DOLPP1: variants seen among roughly 807,000 people sequenced by gnomAD.
The protein encoded by DOLPP1 is dolichyl pyrophosphate phosphatase 1.
Under a neutral mutation model 34.1 loss-of-function variants are expected in DOLPP1, and 15 were observed. That is an observed-to-expected ratio of 0.44 (90% CI 0.29 to 0.68). The LOEUF is 0.68. Ranked by LOEUF, DOLPP1 falls within the 30% of genes least tolerant of loss-of-function variation. The pLI is 0.12. For synonymous variants in DOLPP1, 130 were observed against 128.2 expected (o/e 1.01, Z -0.10); for missense variants, 249 against 307.1 (o/e 0.81, Z 1.41).
Position 129,085,447 on chromosome 9 carries a change from G to A in DOLPP1, c.363-71G>A. ...AAGGTACCCAGGGAGCATTTGGATG[G>A]GGCCAGGGACTGTTTGGGAGGCCTG... On this transcript the variant is annotated intron_variant, in intron 4 of 7. Coordinates refer to ENST00000372546, the MANE Select transcript of DOLPP1 (RefSeq NM_020438.5). This position sits in a 1 kb window ranked among gnomAD's most constrained non-coding sequence, Gnocchi z 7.0. The A allele has an allele frequency of 6.4e-7, 1 of 1,553,162 alleles. No individual in the cohort carries two copies.
chr9:129,085,690 C>A lies in DOLPP1; in HGVS notation c.461+74C>A. ...TGCTGGTTCCTGGTCCCTGTCGGACCCCACCATGGACCCTAGTCCCAGAAC... is the reference window on the plus strand; with the variant it reads ...TGCTGGTTCCTGGTCCCTGTCGGACACCACCATGGACCCTAGTCCCAGAAC... On this transcript the variant is annotated intron_variant, in intron 5 of 7. Transcript: ENST00000372546. This position sits in a 1 kb window ranked among gnomAD's most constrained non-coding sequence, Gnocchi z 7.0. 1 of 1,226,204 alleles carries A rather than the reference C, an allele frequency of 8.2e-7. No individual in the cohort carries two copies. 76.0% of individuals were successfully genotyped at this position (1,226,204 alleles called of 1,614,324 possible). A position where few individuals can be genotyped will look rare whatever the true frequency, so the allele number is the denominator to read the frequency against.
In DOLPP1 at chr9:129,081,156, C is replaced by T. The variant is rs778103972; in HGVS notation, c.25C>T (p.Leu9Phe). ...GATGGCAGCGGACGGACAGTGCTCG[C>T]TCCCCGCTTCATGGCGGCCGGTGAC... is the stretch of plus-strand genomic sequence containing the variant. MAADGQCS[L>F]PASWRPVTLT... The change falls in exon 1 of 8, where the codon CTC (leucine) becomes TTC (phenylalanine). Residue 9 changes from leucine to phenylalanine, a missense_variant. Physicochemically the swap from Leu to Phe is conservative, Grantham distance 22. Coordinates refer to ENST00000372546, the MANE Select transcript of DOLPP1 (RefSeq NM_020438.5). The T allele has an allele frequency of 2.5e-6, 4 of 1,609,854 alleles. No homozygotes were observed. The highest frequency in any genetic ancestry group is 2.2e-5 in the South Asian group (2 of 91,012).
At chr9:129,081,319 C>T (rs1846883138) in intron 1 of DOLPP1, 112 bp downstream of exon 1, 3 of 1,385,830 alleles carry the variant, frequency 2.2e-6, no homozygotes, top group Non-Finnish European at 2.9e-6. Flanking sequence ...GGGGTGGGAA[C>T]TGTCAAATAG....
At chr9:129,084,565 C>G in intron 1 of DOLPP1, 103 bp from the exon 2 acceptor site, 1 of 889,900 alleles carries the variant, frequency 1.1e-6, no homozygotes, top group South Asian at 1.3e-5. Context: ...TTCTCCAGGC[C>G]CTGCCGGGAC....
At chr9:129,086,353 A>G (rs1588432139) in intron 6 of DOLPP1, 86 bp downstream of exon 6, 5 of 1,507,656 alleles carry the variant, frequency 3.3e-6, no homozygotes, top group Non-Finnish European at 4.5e-6. Context: ...AGGAGTCTTG[A>G]CCCCAGCCCC....
At chr9:129,088,141 G>A (rs1467106089) in intron 7 of DOLPP1, among the ~76,000 whole-genome samples, 2 of 135,944 alleles carry the variant, frequency 1.5e-5, no homozygotes, top group Admixed American at 7.3e-5. Context: ...GGGGTGGGGG[G>A]AGGTGGGGGG....
In DOLPP1 at chr9:129,084,662, T is replaced by C. The variant is rs1400623037; in HGVS notation, c.77-6T>C. The C allele has an allele frequency of 2.5e-6, 4 of 1,592,804 alleles. No homozygotes were observed. In the African/African-American group the frequency reaches 4.0e-5, roughly 16 times the overall value. The stretch of plus-strand genomic sequence containing the variant: ...GTCCTCCTGATTCTGTTCTCTGTCT[T>C]GCCAGGTGATCTCTCTGGCCACCTC... On this transcript the variant is annotated splice_region_variant and splice_polypyrimidine_tract_variant and intron_variant, in intron 1 of 7. Coordinates refer to ENST00000372546, the MANE Select transcript of DOLPP1 (RefSeq NM_020438.5).
rs1846875671 is a variant in DOLPP1 at position 129,081,123 on chromosome 9, C to T, written c.-9C>T. ...TTGGCTGCTCGAAGAAGCCCGGTCT[C>T]CGGGTAAGATGGCAGCGGACGGACA... On this transcript the variant is annotated 5_prime_UTR_variant, in exon 1 of 8. Transcript: ENST00000372546. 4 of 1,607,002 alleles carry T rather than the reference C, an allele frequency of 2.5e-6. No individual in the cohort carries two copies. Among genetic ancestry groups the T allele is most frequent in the African/African-American group, 1.3e-5 (1 of 74,648 alleles).
rs1191995528 is a variant in DOLPP1 at position 129,089,180 on chromosome 9, C to T, written c.*173C>T. 7 of 605,742 alleles carry T rather than the reference C, an allele frequency of 1.2e-5. No homozygotes were observed. The highest frequency in any genetic ancestry group is 7.4e-5 in the African/African-American group (4 of 53,838). The allele number at this position is 605,742 out of a possible 1,614,324, so 37.5% of individuals were successfully genotyped here. On this transcript the variant is annotated 3_prime_UTR_variant, in exon 8 of 8. Coordinates refer to ENST00000372546, the MANE Select transcript of DOLPP1 (RefSeq NM_020438.5). The surrounding 1 kb of genome is among the most constrained non-coding windows in gnomAD (Gnocchi z 4.9). The stretch of plus-strand genomic sequence containing the variant: ...GAACAAGGTGGACCAAAGGGCTGAA[C>T]CAGCCCCTCAACCAGGACCCTGGGG...
chr9:129,086,667 T>C (rs1264086902), intron 6 of DOLPP1, 42 bp from the exon 7 acceptor site: 2 of 1,579,754 alleles, frequency 1.3e-6, no homozygotes, highest in Non-Finnish European at 1.7e-6. Context: ...AACAGACTCA[T>C]GCCCTGATGT....
At chr9:129,087,347 G>A (rs373910647) in intron 7 of DOLPP1, among the ~76,000 whole-genome samples, 2 of 140,746 alleles carry the variant, frequency 1.4e-5, no homozygotes, top group South Asian at 2.2e-4. Flanking sequence ...ACGGAGTCTC[G>A]CTCTGTCGCC....
chr9:129,088,564 G>T (rs1485129828), intron 7 of DOLPP1, among the ~76,000 whole-genome samples: 2 of 152,090 alleles, frequency 1.3e-5, no homozygotes, highest in Non-Finnish European at 1.5e-5. Flanking sequence ...CATACCTCCC[G>T]GATGGGGAGC....
intron 1 of DOLPP1, among the ~76,000 whole-genome samples, chr9:129,081,807 T>C (rs184911433): frequency 6.6e-6 from 1 of 152,182 alleles, no homozygotes; most frequent in Non-Finnish European, 1.5e-5. Flanking sequence ...CCTCTCGAAG[T>C]GCAGGGCTTT....
In DOLPP1 at chr9:129,086,170, G is replaced by A. The variant is rs771538598; in HGVS notation, c.493G>A (p.Val165Met). 7 of 1,613,564 alleles carry A rather than the reference G, an allele frequency of 4.3e-6. No individual in the cohort carries two copies. The highest frequency in any genetic ancestry group is 5.1e-6 in the Non-Finnish European group (6 of 1,179,944). ...CCTGCTGTACCACACCTGGAGCCAG[G>A]TGCTCTATGGAGGCATCGCTGGAGG... ...VYLLYHTWSQ[V>M]LYGGIAGGLM... The change falls in exon 6 of 8, where the codon GTG (valine) becomes ATG (methionine). Residue 165 changes from valine to methionine, a missense_variant. By Grantham distance (21) the Val-to-Met change is conservative (BLOSUM62 1). Transcript: ENST00000372546.
In DOLPP1 at chr9:129,090,145, CTG is replaced by C. The variant is rs1247299916; in HGVS notation, c.*1142_*1143del. ...AGGACTGAACTGGGTCACTCGGGAT[CTG>C]TGTTCGAATCCTCCCCACCCCTTTC... On this transcript the variant is annotated 3_prime_UTR_variant, in exon 8 of 8. Transcript: ENST00000372546. 6.6e-6 allele frequency: 1 copy of C among 152,638 alleles called. No homozygotes were observed. The highest frequency in any genetic ancestry group is 1.5e-5 in the Non-Finnish European group (1 of 68,044). 9.5% of individuals were successfully genotyped at this position (152,638 alleles called of 1,614,324 possible). A position where few individuals can be genotyped will look rare whatever the true frequency, so the allele number is the denominator to read the frequency against.
Position 129,085,688 on chromosome 9 carries a change from A to T in DOLPP1, c.461+72A>T. 1.6e-6 allele frequency: 2 copies of T among 1,256,230 alleles called. No individual in the cohort carries two copies. The highest frequency in any genetic ancestry group is 2.2e-6 in the Non-Finnish European group (2 of 891,556). The allele number at this position is 1,256,230 out of a possible 1,614,324, so 77.8% of individuals were successfully genotyped here. A position where few individuals can be genotyped will look rare whatever the true frequency, so the allele number is the denominator to read the frequency against. The stretch of plus-strand genomic sequence containing the variant: ...CCTGCTGGTTCCTGGTCCCTGTCGG[A>T]CCCCACCATGGACCCTAGTCCCAGA... On this transcript the variant is annotated intron_variant, in intron 5 of 7. Transcript: ENST00000372546. This position sits in a 1 kb window ranked among gnomAD's most constrained non-coding sequence, Gnocchi z 7.0.
Position 129,086,119 on chromosome 9 carries a change from C to T in DOLPP1, c.462-20C>T, listed in dbSNP as rs371823848. ...GTGTCTGACTGGCTCTCACATACTT[C>T]GCTTCTGGCCTTGGCCCAGGGTCTA... On this transcript the variant is annotated intron_variant, in intron 5 of 7. Coordinates refer to ENST00000372546, the MANE Select transcript of DOLPP1 (RefSeq NM_020438.5). 43 of 1,610,908 alleles carry T rather than the reference C, an allele frequency of 2.7e-5. 1 individual carries two copies. In the African/African-American group the frequency reaches 4.4e-4, roughly 17 times the overall value.
At position 129,086,706 on chromosome 9, in the gene DOLPP1, C is replaced by G; in HGVS notation, c.591-3C>G. 1 of 1,613,726 alleles carries G rather than the reference C, an allele frequency of 6.2e-7. No individual in the cohort carries two copies. Among genetic ancestry groups the G allele is most frequent in the Non-Finnish European group, 8.5e-7 (1 of 1,179,806 alleles). ...CCTGGCTCTCTGATGTCTGTCTCTC[C>G]AGGCCTGTCTCCGAGTTCTTCCTAA... is the stretch of plus-strand genomic sequence containing the variant. On this transcript the variant is annotated splice_region_variant and splice_polypyrimidine_tract_variant and intron_variant, in intron 6 of 7. Transcript: ENST00000372546.
chr9:129,084,544 C>T (rs1386580028), intron 1 of DOLPP1, 124 bp from the exon 2 acceptor site: 1 of 777,748 alleles, frequency 1.3e-6, no homozygotes, highest in Non-Finnish European at 2.3e-6. Flanking sequence ...TCCCTGGCTG[C>T]CTGGCCTCCA....
Sources: allele counts gnomAD v4.1 joint callset (sites outside exome capture counted in the v4.1 genomes callset), GRCh38; gene constraint gnomAD v4.1.1; non-coding constraint Gnocchi (gnomAD v3.1); transcripts MANE v1.5; gene names NCBI Gene and HGNC (gene_info 2026-07-23, HGNC 2026-07-21).